LY86: variants seen among roughly 807,000 people sequenced by gnomAD.
The protein encoded by LY86 is MD-1, RP105-associated.
In LY86, 20 loss-of-function variants were observed where a neutral mutation model predicts 17.3. The observed-to-expected ratio is 1.15, with a 90% CI of 0.81 to 1.68. The LOEUF (loss-of-function observed/expected upper bound fraction) is 1.68, where lower values mean the gene tolerates loss of function less well. Ranked by LOEUF, LY86 falls within the 40% of genes most tolerant of loss-of-function variation. The pLI, the probability that LY86 is intolerant of heterozygous loss-of-function variation, is 0.00. For missense variants in LY86, 200 were observed against 191.9 expected (o/e 1.04, Z -0.25); for synonymous variants, 74 against 70.6 (o/e 1.05, Z -0.24).
At chr6:6,589,148 A>C (rs1487406253) in intron 1 of LY86, among the ~76,000 whole-genome samples, 1 of 152,214 alleles carries the variant, frequency 6.6e-6, no homozygotes, top group Admixed American at 6.5e-5. Context: ...CACAGAACCC[A>C]AAAAAGAACA....
chr6:6,615,063 C>T (rs1761521644), intron 1 of LY86, among the ~76,000 whole-genome samples: 1 of 152,216 alleles, frequency 6.6e-6, no homozygotes, highest in Middle Eastern at 3.4e-3. Context: ...AAACTTTGAG[C>T]CGAGTGATAC....
In LY86 at chr6:6,626,361, TC is replaced by T. The variant is rs1199052116; in HGVS notation, c.294del (p.Tyr99IlefsTer69). 3 of 1,614,052 alleles carry T rather than the reference TC, an allele frequency of 1.9e-6. No homozygotes were observed. Among genetic ancestry groups the T allele is most frequent in the Non-Finnish European group, 2.5e-6 (3 of 1,179,990 alleles). On this transcript the variant is annotated frameshift_variant, in exon 3 of 5. Transcript: ENST00000230568. LOFTEE classifies it high-confidence loss of function. ...TCAAGGCTCATCTGTTTTGAATTTCTCCTATCCCATCTGTGAGGCGGCTCTG... is the reference window on the plus strand; with the variant it reads ...TCAAGGCTCATCTGTTTTGAATTTCTCTATCCCATCTGTGAGGCGGCTCTG... ...MSQGSSVLNFSYPICEAALPK... is the reference protein window; with the variant it reads ...MSQGSSVLNFXYPICEAALPK...
At chr6:6,625,134 G>T in intron 2 of LY86, 122 bp downstream of exon 2, 1 of 531,230 alleles carries the variant, frequency 1.9e-6, no homozygotes, top group Admixed American at 4.0e-5. Context: ...ACCACTCTCT[G>T]GAATTAACTC....
At chr6:6,627,419 CG>C (rs1174652850) in intron 3 of LY86, among the ~76,000 whole-genome samples, 1 of 152,136 alleles carries the variant, frequency 6.6e-6, no homozygotes, top group Non-Finnish European at 1.5e-5. Context: ...AGATGGAAGT[CG>C]GGGGAACTTT....
chr6:6,597,517 C>G (rs1760751581), intron 1 of LY86, among the ~76,000 whole-genome samples: 1 of 152,200 alleles, frequency 6.6e-6, no homozygotes. Context: ...TCCAGGGATG[C>G]CATGTAAGGC....
At chr6:6,644,992 TA>T (rs1239760714) in intron 3 of LY86, among the ~76,000 whole-genome samples, 2 of 152,134 alleles carry the variant, frequency 1.3e-5, no homozygotes, top group Admixed American at 1.3e-4. Context: ...CTGTAAACTG[TA>T]AGAGACCAAT....
intron 3 of LY86, among the ~76,000 whole-genome samples, chr6:6,633,202 A>G (rs539094508): frequency 1.9e-4 from 29 of 152,316 alleles, no homozygotes; most frequent in African/African-American, 5.1e-4. Flanking sequence ...GCTCTACCCA[A>G]TTAAAAAGTG....
At chr6:6,644,393 G>C (rs1252033363) in intron 3 of LY86, among the ~76,000 whole-genome samples, 1 of 152,110 alleles carries the variant, frequency 6.6e-6, no homozygotes, top group Admixed American at 6.5e-5. Flanking sequence ...GCACGCACTT[G>C]TAGTCTCAGC....
intron 3 of LY86, among the ~76,000 whole-genome samples, chr6:6,629,658 C>A (rs1418392797): frequency 1.3e-5 from 2 of 152,180 alleles, no homozygotes; most frequent in Non-Finnish European, 2.9e-5. Flanking sequence ...TTTCTCCAAG[C>A]CAAATAAAAC....
intron 1 of LY86, among the ~76,000 whole-genome samples, chr6:6,596,261 C>T (rs1760710054): frequency 1.3e-5 from 2 of 152,140 alleles, no homozygotes; most frequent in South Asian, 4.1e-4. Context: ...GCAGAACCAA[C>T]AGGATATATT....
At chr6:6,606,082 C>G (rs1761134589) in intron 1 of LY86, among the ~76,000 whole-genome samples, 1 of 152,188 alleles carries the variant, frequency 6.6e-6, no homozygotes, top group Admixed American at 6.5e-5. Flanking sequence ...TGCTTTTATT[C>G]TCATCTGGCC....
At chr6:6,605,617 T>G (rs139500945) in intron 1 of LY86, among the ~76,000 whole-genome samples, 1 of 152,260 alleles carries the variant, frequency 6.6e-6, no homozygotes, top group Admixed American at 6.5e-5. Flanking sequence ...CAGCCTCATC[T>G]CAGAAGCAAC....
intron 3 of LY86, among the ~76,000 whole-genome samples, chr6:6,642,129 G>T (rs1433989301): frequency 6.6e-6 from 1 of 152,248 alleles, no homozygotes; most frequent in Non-Finnish European, 1.5e-5. Flanking sequence ...TCCACCAGGG[G>T]CTGAGAGGAT....
At chr6:6,636,749 A>C (rs945021464) in intron 3 of LY86, among the ~76,000 whole-genome samples, 2 of 151,972 alleles carry the variant, frequency 1.3e-5, no homozygotes, top group Non-Finnish European at 2.9e-5. Flanking sequence ...TCTTCCTTTC[A>C]TGTATTATTC....
At chr6:6,652,885 G>T (rs1011616583) in intron 4 of LY86, among the ~76,000 whole-genome samples, 1 of 152,160 alleles carries the variant, frequency 6.6e-6, no homozygotes, top group Non-Finnish European at 1.5e-5. Context: ...ATGTAGTAAT[G>T]AAAAATTCTT....
At chr6:6,643,176 C>T (rs1244418880) in intron 3 of LY86, among the ~76,000 whole-genome samples, 2 of 152,208 alleles carry the variant, frequency 1.3e-5, no homozygotes, top group African/African-American at 2.4e-5. Flanking sequence ...TGAGGAATCT[C>T]CACACTGTTT....
intron 3 of LY86, among the ~76,000 whole-genome samples, chr6:6,628,830 A>T (rs1450204065): frequency 6.6e-6 from 1 of 152,256 alleles, no homozygotes; most frequent in African/African-American, 2.4e-5. Flanking sequence ...GCCTGTGAAC[A>T]TATGATGGAT....
intron 3 of LY86, among the ~76,000 whole-genome samples, chr6:6,636,886 G>C (rs1318884986): frequency 1.0e-5 from 1 of 98,884 alleles, no homozygotes; most frequent in African/African-American, 4.1e-5. Context: ...TCCTACCCTC[G>C]AACTGCAAAA....
chr6:6,630,994 AATG>A (rs1761890173), intron 3 of LY86, among the ~76,000 whole-genome samples: 2 of 152,088 alleles, frequency 1.3e-5, no homozygotes, highest in South Asian at 4.1e-4. Context: ...ATCATTTATC[AATG>A]ATAAGATATT....
Sources: allele counts gnomAD v4.1 joint callset (sites outside exome capture counted in the v4.1 genomes callset), GRCh38; gene constraint gnomAD v4.1.1; transcripts MANE v1.5; gene names NCBI Gene and HGNC (gene_info 2026-07-23, HGNC 2026-07-21).